CHM: variants seen among roughly 807,000 people sequenced by gnomAD.
CHM encodes CHM Rab escort protein.
In CHM, 10 loss-of-function variants were observed where a neutral mutation model predicts 49.0. That is an observed-to-expected ratio of 0.20 (90% CI 0.13 to 0.35). The LOEUF is 0.35. CHM is among the 10% of genes least tolerant of loss of function. The pLI is 1.00. For synonymous variants in CHM, 184 were observed against 167.5 expected (o/e 1.10, Z -0.76); for missense variants, 455 against 478.4 (o/e 0.95, Z 0.46).
chrX:86,044,983 C>A (rs191079978), intron 1 of CHM, among the ~76,000 whole-genome samples: 65 of 111,907 alleles, frequency 5.8e-4, no homozygotes, highest in African/African-American at 2.0e-3. Context: ...TCTTAAGGAA[C>A]AATTTCCATC....
intron 12 of CHM, 24 bp from the exon 13 acceptor site, chrX:85,879,087 T>C: frequency 9.9e-7 from 1 of 1,014,525 alleles, no homozygotes; most frequent in Non-Finnish European, 1.4e-6. Context: ...AATATTTGAG[T>C]TCCTTGTCAT....
chrX:85,997,394 A>G (rs919423124), intron 2 of CHM, among the ~76,000 whole-genome samples: 38 of 111,968 alleles, frequency 3.4e-4, no homozygotes, highest in Non-Finnish European at 6.4e-4. Context: ...CATAACCTCA[A>G]TCAGTTTTAC....
intron 2 of CHM, among the ~76,000 whole-genome samples, chrX:85,991,967 A>G (rs780895418): frequency 1.6e-4 from 18 of 111,769 alleles, no homozygotes; most frequent in Non-Finnish European, 2.6e-4. Context: ...ACAACTGTGA[A>G]GCTGAATATT....
At chrX:86,013,734 A>AAAAAAAAAAAAAAG (rs1555966044) in intron 2 of CHM, among the ~76,000 whole-genome samples, 1 of 50,344 alleles carries the variant, frequency 2.0e-5, no homozygotes, top group African/African-American at 4.3e-5. Flanking sequence ...ACTTCGTCTC[A>AAAAAAAAAAAAAAG]AAAAAAAAAA....
intron 8 of CHM, among the ~76,000 whole-genome samples, chrX:85,934,369 G>A (rs1928644322): frequency 1.0e-5 from 1 of 97,681 alleles, no homozygotes. Flanking sequence ...GTGGTGTGCT[G>A]CATCCATCAA....
intron 4 of CHM, 136 bp from the exon 5 acceptor site, chrX:85,964,188 A>G: frequency 1.8e-6 from 1 of 554,517 alleles, no homozygotes. Context: ...TAAAATATGA[A>G]ACAAAATTAA....
chrX:85,915,870 C>A (rs1033267894), intron 8 of CHM, among the ~76,000 whole-genome samples: 11 of 112,466 alleles, frequency 9.8e-5, no homozygotes, highest in Non-Finnish European at 1.7e-4. Context: ...GGCCATACTG[C>A]TCAAAGCAAT....
intron 2 of CHM, among the ~76,000 whole-genome samples, chrX:85,997,672 G>A (rs188298408): frequency 1.3e-4 from 15 of 111,568 alleles, no homozygotes; most frequent in African/African-American, 4.6e-4. Flanking sequence ...GAAGCTGGCT[G>A]GGGGCGGTGG....
intron 2 of CHM, among the ~76,000 whole-genome samples, chrX:86,022,463 C>T (rs1933646966): frequency 9.0e-6 from 1 of 111,108 alleles, no homozygotes; most frequent in Non-Finnish European, 1.9e-5. Flanking sequence ...GGAGTGAAGT[C>T]GCCATATATG....
intron 1 of CHM, among the ~76,000 whole-genome samples, chrX:86,043,468 C>G (rs1934549193): frequency 9.2e-6 from 1 of 109,054 alleles, no homozygotes; most frequent in African/African-American, 3.4e-5. Context: ...TGCAGTGACA[C>G]AACTATAGCT....
chrX:85,922,748 C>G, intron 8 of CHM, among the ~76,000 whole-genome samples: 1 of 111,799 alleles, frequency 8.9e-6, no homozygotes, highest in Non-Finnish European at 1.9e-5. Context: ...GCAATGACTC[C>G]TGCAGCCTCA....
chrX:85,980,713 C>G (rs1394046651), intron 3 of CHM, among the ~76,000 whole-genome samples: 2 of 111,449 alleles, frequency 1.8e-5, no homozygotes, highest in African/African-American at 6.5e-5. Context: ...GCCACATGTA[C>G]CAATCTGCAT....
At chrX:85,958,327 T>C (rs1251962376) in intron 6 of CHM, among the ~76,000 whole-genome samples, 1 of 111,908 alleles carries the variant, frequency 8.9e-6, no homozygotes, top group African/African-American at 3.2e-5. Flanking sequence ...CTTTGTGAGT[T>C]GATTTTTCAG....
At chrX:85,998,433 T>C in intron 2 of CHM, among the ~76,000 whole-genome samples, 1 of 111,921 alleles carries the variant, frequency 8.9e-6, no homozygotes, top group East Asian at 2.8e-4. Flanking sequence ...TCATTTTTCA[T>C]GTATACAGAT....
At chrX:85,995,537 A>T (rs1932401239) in intron 2 of CHM, among the ~76,000 whole-genome samples, 1 of 112,066 alleles carries the variant, frequency 8.9e-6, no homozygotes, top group Non-Finnish European at 1.9e-5. Flanking sequence ...TAGAGAAAAG[A>T]GCACAAGCTT....
intron 4 of CHM, among the ~76,000 whole-genome samples, chrX:85,964,385 T>C (rs1930467668): frequency 9.1e-6 from 1 of 110,196 alleles, no homozygotes; most frequent in Non-Finnish European, 1.9e-5. Context: ...ATGTATCCTC[T>C]CTGAGACCAC....
chrX:85,895,299 C>T (rs755385930), intron 11 of CHM, among the ~76,000 whole-genome samples: 80 of 93,521 alleles, frequency 8.6e-4, no homozygotes, highest in Non-Finnish European at 1.4e-3. Context: ...CTACACCTGG[C>T]TATTTTTTTT....
At chrX:85,901,004 G>T in intron 10 of CHM, 80 bp downstream of exon 10, 2 of 683,571 alleles carry the variant, frequency 2.9e-6, no homozygotes, top group Non-Finnish European at 2.3e-6. Flanking sequence ...GCATTTATTT[G>T]CATGTTACTT....
chrX:86,027,149 T>C (rs1000717693), intron 2 of CHM: 5 of 231,506 alleles, frequency 2.2e-5, no homozygotes, highest in African/African-American at 8.6e-5. Context: ...ATATAGGTTG[T>C]ATATACCCAC....
Sources: gnomAD v4.1 joint callset for allele counts (sites outside exome capture counted in the v4.1 genomes callset) on GRCh38, gnomAD v4.1.1 for gene constraint, MANE v1.5 for transcripts, NCBI Gene and HGNC (gene_info 2026-07-23, HGNC 2026-07-21) for gene names.